The following PCDHGA5 variants were observed in gnomAD, a reference collection of about 807,000 sequenced individuals.
PCDHGA5 encodes protocadherin gamma-A5.
A neutral mutation model predicts 56.7 loss-of-function variants in PCDHGA5; 36 were observed. The ratio of observed to expected loss-of-function variants is 0.64; its 90% CI spans 0.49 to 0.84. The LOEUF (loss-of-function observed/expected upper bound fraction) is 0.84. Ranked by LOEUF, PCDHGA5 falls within the 40% of genes least tolerant of loss-of-function variation. The pLI is 0.00. For missense variants in PCDHGA5, 1,305 were observed against 1,201.5 expected (o/e 1.09, Z -1.27); for synonymous variants, 563 against 520.2 (o/e 1.08, Z -1.12).
chr5:141,391,264 G>T (rs1427432631), intron 1 of PCDHGA5: 1 of 151,768 alleles, frequency 6.6e-6, no homozygotes, highest in Non-Finnish European at 1.5e-5. Context: ...TCAGTTAATG[G>T]CCACTTTACA....
chr5:141,419,469 A>G, intron 1 of PCDHGA5: 1 of 1,612,490 alleles, frequency 6.2e-7, no homozygotes, highest in South Asian at 1.1e-5. Context: ...GCCCGCGACC[A>G]GGGCTCGCCC....
At chr5:141,501,983 C>T (rs957901405) in intron 2 of PCDHGA5, among the ~76,000 whole-genome samples, 1 of 152,068 alleles carries the variant, frequency 6.6e-6, no homozygotes, top group Non-Finnish European at 1.5e-5. Context: ...CATCTGGTCC[C>T]GTTGTCTCCC....
intron 1 of PCDHGA5, chr5:141,427,746 T>A: frequency 7.9e-7 from 1 of 1,272,038 alleles, no homozygotes; most frequent in African/African-American, 1.5e-5. Flanking sequence ...AGTCTCCTAC[T>A]CCATCGTTAC....
chr5:141,370,656 G>C, intron 1 of PCDHGA5: 1 of 1,613,852 alleles, frequency 6.2e-7, no homozygotes, highest in South Asian at 1.1e-5. Flanking sequence ...ACTTGTGAGC[G>C]ACCGTATAGA....
chr5:141,409,486 C>T, intron 1 of PCDHGA5: 1 of 1,613,992 alleles, frequency 6.2e-7, no homozygotes, highest in Non-Finnish European at 8.5e-7. Context: ...CTGACAGGGG[C>T]AAGCCGCCTC....
Position 141,487,193 on chromosome 5 carries a change from C to T in PCDHGA5, c.2422-7614C>T. 6.2e-7 allele frequency: 1 copy of T among 1,613,784 alleles called. No individual in the cohort carries two copies. Among genetic ancestry groups the T allele is most frequent in the Non-Finnish European group, 8.5e-7 (1 of 1,179,724 alleles). On this transcript the variant is annotated intron_variant, in intron 1 of 3. Transcript: ENST00000518069. The surrounding 1 kb of genome is among the most constrained non-coding windows in gnomAD (Gnocchi z 5.0). ...AGAGGAAGACACTCATCCAGTTGTC[C>T]CAGATCTTCGAGAATCTTCAGCTCC...
chr5:141,409,275 A>G (rs1266955919), intron 1 of PCDHGA5: 1 of 1,614,020 alleles, frequency 6.2e-7, no homozygotes, highest in South Asian at 1.1e-5. Flanking sequence ...CAGATTTTGG[A>G]GAATTCACCT....
At chr5:141,389,787 G>C (rs761543632) in intron 1 of PCDHGA5, 3 of 1,613,328 alleles carry the variant, frequency 1.9e-6, no homozygotes, top group Non-Finnish European at 2.5e-6. Context: ...CGACAGGGAC[G>C]CCGTCCGCCA....
At chr5:141,414,143 T>C (rs887054185) in intron 1 of PCDHGA5, 1 of 1,597,122 alleles carries the variant, frequency 6.3e-7, no homozygotes, top group Non-Finnish European at 8.5e-7. Flanking sequence ...GAAATAGAAA[T>C]ACAAGCAGAA....
intron 1 of PCDHGA5, chr5:141,408,068 C>G: frequency 7.3e-7 from 1 of 1,367,282 alleles, no homozygotes; most frequent in Non-Finnish European, 9.7e-7. Flanking sequence ...GCTGCGCAGA[C>G]CTTTCCCAGC....
chr5:141,373,769 T>A (rs1466229132), intron 1 of PCDHGA5: 3 of 255,350 alleles, frequency 1.2e-5, no homozygotes, highest in Non-Finnish European at 2.2e-5. Flanking sequence ...ATGAGTGTCA[T>A]CTCTGCAGAT....
intron 1 of PCDHGA5, among the ~76,000 whole-genome samples, chr5:141,460,344 A>G (rs930557610): frequency 7.2e-5 from 11 of 152,060 alleles, no homozygotes; most frequent in African/African-American, 2.2e-4. Context: ...ATTTTCTCCT[A>G]TATTTTCTTT....
intron 1 of PCDHGA5, among the ~76,000 whole-genome samples, chr5:141,368,581 G>A (rs1407306401): frequency 6.6e-6 from 1 of 152,066 alleles, no homozygotes; most frequent in Non-Finnish European, 1.5e-5. Flanking sequence ...TTAGGGTAAG[G>A]TGTTTGGGAA....
chr5:141,428,546 A>C (rs1476382847), intron 1 of PCDHGA5: 1 of 263,642 alleles, frequency 3.8e-6, no homozygotes, highest in Non-Finnish European at 7.5e-6. Flanking sequence ...ATGACACCAG[A>C]AACAGTCCCC....
At chr5:141,393,243 G>A in intron 1 of PCDHGA5, 4 of 1,613,784 alleles carry the variant, frequency 2.5e-6, no homozygotes, top group Non-Finnish European at 3.4e-6. Flanking sequence ...AAAAATTAAC[G>A]AAATCGCGGT....
rs1763342277 is a variant in PCDHGA5, at chr5:141,364,464, T to C, written c.134T>C (p.Val45Ala). 1.2e-6 allele frequency: 2 copies of C among 1,613,996 alleles called. No individual in the cohort carries two copies. The highest frequency in any genetic ancestry group is 1.3e-5 in the African/African-American group (1 of 75,072). Residue 45 changes from valine (V) to alanine (A), a missense_variant, in exon 1 of 4, where the codon GTC becomes GCC. Val to Ala is a moderately conservative substitution (Grantham distance 64, BLOSUM62 0). Transcript: ENST00000518069. ...MPEELDKGSF[V>A]GNIAKDLGLE... The stretch of plus-strand genomic sequence containing the variant: ...GAGGAGCTGGACAAAGGCTCCTTCG[T>C]CGGCAACATAGCCAAGGACCTTGGG...
At chr5:141,389,169 C>T in intron 1 of PCDHGA5, 2 of 1,614,028 alleles carry the variant, frequency 1.2e-6, no homozygotes, top group Non-Finnish European at 1.7e-6. Context: ...GGGCAAGCCT[C>T]CCCTCTCCTC....
chr5:141,466,799 C>T (rs1049340129), intron 1 of PCDHGA5, among the ~76,000 whole-genome samples: 1 of 152,056 alleles, frequency 6.6e-6, no homozygotes, highest in African/African-American at 2.4e-5. Flanking sequence ...CAAACTAGAT[C>T]CTATTCAGAC....
chr5:141,367,098 G>A, intron 1 of PCDHGA5: 1 of 248,510 alleles, frequency 4.0e-6, no homozygotes. Flanking sequence ...TCTTTTGAGT[G>A]TCTGCCTAGA....
Sources: gnomAD v4.1 joint callset for allele counts (sites outside exome capture counted in the v4.1 genomes callset) on GRCh38, gnomAD v4.1.1 for gene constraint, Gnocchi (gnomAD v3.1) non-coding constraint, MANE v1.5 for transcripts, NCBI Gene and HGNC (gene_info 2026-07-23, HGNC 2026-07-21) for gene names.